MND1: variants seen among roughly 807,000 people sequenced by gnomAD.
The protein encoded by MND1 is meiotic nuclear divisions 1, also known as meiotic nuclear division protein 1 homolog.
A neutral mutation model predicts 35.1 loss-of-function variants in MND1; 28 were observed. That is an observed-to-expected ratio of 0.80 (90% CI 0.59 to 1.09). The LOEUF is 1.09. Among genes scored for constraint, MND1 ranks in the 50% least tolerant of loss-of-function variants. MND1 has a pLI of 0.00. For synonymous variants in MND1, 69 were observed against 70.5 expected (o/e 0.98, Z 0.11); for missense variants, 213 against 239.6 (o/e 0.89, Z 0.73).
intron 4 of MND1, among the ~76,000 whole-genome samples, chr4:153,359,779 CTTTTTTTTTTTT>C (rs34112305): frequency 1.6e-5 from 1 of 62,160 alleles, no homozygotes; most frequent in Non-Finnish European, 3.0e-5. Flanking sequence ...TTTGGAAGAT[CTTTTTTTTTTTT>C]TTTTTTTTTT....
chr4:153,393,519 C>T (rs1224404445), intron 4 of MND1, among the ~76,000 whole-genome samples: 4 of 152,032 alleles, frequency 2.6e-5, no homozygotes, highest in African/African-American at 4.8e-5. Flanking sequence ...GCTGGGACTA[C>T]AGGCTCATGC....
At chr4:153,391,474 C>G (rs1372638326) in intron 4 of MND1, among the ~76,000 whole-genome samples, 4 of 151,942 alleles carry the variant, frequency 2.6e-5, no homozygotes, top group South Asian at 2.1e-4. Flanking sequence ...GCCTGTGATC[C>G]CAGCACTTTG....
At chr4:153,393,045 G>C (rs1579942331) in intron 4 of MND1, among the ~76,000 whole-genome samples, 1 of 152,088 alleles carries the variant, frequency 6.6e-6, no homozygotes, top group African/African-American at 2.4e-5. Flanking sequence ...CTTGAGCCTG[G>C]GAGGCAAAAG....
intron 4 of MND1, among the ~76,000 whole-genome samples, chr4:153,360,798 T>C (rs1773469874): frequency 6.6e-6 from 1 of 150,978 alleles, no homozygotes. Flanking sequence ...CATATATTCA[T>C]ATATACACAT....
chr4:153,386,916 G>T lies in MND1; in HGVS notation c.277-7346G>T, dbSNP rs189740626. Among the ~76,000 whole-genome samples the T allele has an allele frequency of 4.2e-3, 647 of 152,312 alleles. 7 individuals carry two copies. The highest frequency in any genetic ancestry group is 0.015 in the African/African-American group (616 of 41,574). On this transcript the variant is annotated intron_variant, in intron 4 of 7. Transcript: ENST00000240488. Reference sequence around the variant, plus strand: ...AGGATGCACACTGGGCTTTACAGGGGTCACTCTGGGGAGGGTGTTGTAGGG... The same window carrying T: ...AGGATGCACACTGGGCTTTACAGGGTTCACTCTGGGGAGGGTGTTGTAGGG...
intron 3 of MND1, 58 bp downstream of exon 3, chr4:153,355,769 A>G: frequency 9.6e-7 from 1 of 1,043,262 alleles, no homozygotes; most frequent in Non-Finnish European, 1.5e-6. Context: ...GTTTTGGGAA[A>G]TATCTTAATA....
chr4:153,378,788 A>G (rs962440114), intron 4 of MND1, among the ~76,000 whole-genome samples: 23 of 152,202 alleles, frequency 1.5e-4, no homozygotes, highest in African/African-American at 5.5e-4. Context: ...TTTGCTAATT[A>G]AATATACCTG....
At chr4:153,412,396 G>A (rs1428173676) in intron 7 of MND1, among the ~76,000 whole-genome samples, 1 of 151,962 alleles carries the variant, frequency 6.6e-6, no homozygotes, top group Non-Finnish European at 1.5e-5. Context: ...TCAAGATCAA[G>A]ATGTTGGCAG....
chr4:153,409,370 C>CTAATAATAA (rs58903970), intron 7 of MND1, among the ~76,000 whole-genome samples: 38,896 of 149,264 alleles, frequency 0.26, 5,482 homozygotes, highest in African/African-American at 0.37. Flanking sequence ...TATCATCTTG[C>CTAATAATAA]TAATAATAAT....
At chr4:153,395,667 A>T (rs1729177880) in intron 5 of MND1, among the ~76,000 whole-genome samples, 1 of 152,180 alleles carries the variant, frequency 6.6e-6, no homozygotes, top group South Asian at 2.1e-4. Flanking sequence ...ATATTTATTG[A>T]ATCCTACCAG....
chr4:153,358,418 T>G, intron 3 of MND1, 56 bp from the exon 4 acceptor site: 1 of 1,425,114 alleles, frequency 7.0e-7, no homozygotes, highest in Non-Finnish European at 9.3e-7. Context: ...TTATTTGTCC[T>G]TTAATTTTAT....
At chr4:153,368,643 T>G (rs1166754378) in intron 4 of MND1, among the ~76,000 whole-genome samples, 4 of 152,224 alleles carry the variant, frequency 2.6e-5, no homozygotes, top group Admixed American at 6.5e-5. Flanking sequence ...TGTTCATTCA[T>G]GTCCATATCA....
intron 4 of MND1, among the ~76,000 whole-genome samples, chr4:153,370,379 C>A (rs1159623241): frequency 6.6e-6 from 1 of 152,074 alleles, no homozygotes; most frequent in East Asian, 1.9e-4. Context: ...CATTCTTATT[C>A]TTGCCATTTC....
intron 4 of MND1, among the ~76,000 whole-genome samples, chr4:153,363,242 G>A (rs1457963253): frequency 4.8e-5 from 7 of 144,924 alleles, no homozygotes; most frequent in African/African-American, 1.5e-4. Flanking sequence ...ATGGAGTTTC[G>A]CTCTTGTCAC....
At chr4:153,373,702 A>G (rs1024606313) in intron 4 of MND1, among the ~76,000 whole-genome samples, 6 of 152,208 alleles carry the variant, frequency 3.9e-5, no homozygotes, top group Middle Eastern at 3.2e-3. Context: ...AGGCTAACAC[A>G]TAGGTAGATC....
chr4:153,394,745 C>T (rs954194751), intron 5 of MND1, among the ~76,000 whole-genome samples: 17 of 148,376 alleles, frequency 1.1e-4, no homozygotes, highest in Admixed American at 9.3e-4. Context: ...ATTTTTAAGA[C>T]TCTTTTAAAA....
chr4:153,350,231 T>G lies in MND1; in HGVS notation c.69+102T>G. ...CCTCTTTGTTAAACATCAATACTGA[T>G]CAATTTCTTGAAGAATGGGTAAGAT... On this transcript the variant is annotated intron_variant, in intron 2 of 7. Coordinates refer to ENST00000240488, the MANE Select transcript of MND1 (RefSeq NM_032117.4). 3 of 776,930 alleles carry G rather than the reference T, an allele frequency of 3.9e-6. No homozygotes were observed. In the South Asian group the frequency reaches 5.9e-5, roughly 15 times the overall value. The allele number at this position is 776,930 out of a possible 1,614,324, so 48.1% of individuals were successfully genotyped here.
At chr4:153,359,979 G>C (rs141310925) in intron 4 of MND1, among the ~76,000 whole-genome samples, 1 of 151,806 alleles carries the variant, frequency 6.6e-6, no homozygotes, top group African/African-American at 2.4e-5. Context: ...TAGAGACGGG[G>C]TTTCACCATG....
chr4:153,394,106 C>G (rs572336366), intron 4 of MND1, among the ~76,000 whole-genome samples, 156 bp from the exon 5 acceptor site: 8 of 151,912 alleles, frequency 5.3e-5, no homozygotes, highest in Non-Finnish European at 1.5e-5. Context: ...CCGTGTTGGC[C>G]AGGATGGTCT....
Sources: allele counts gnomAD v4.1 joint callset (sites outside exome capture counted in the v4.1 genomes callset), GRCh38; gene constraint gnomAD v4.1.1; transcripts MANE v1.5; gene names NCBI Gene and HGNC (gene_info 2026-07-23, HGNC 2026-07-21).